SUSD2: variants seen among roughly 807,000 people sequenced by gnomAD.
SUSD2 encodes the protein sushi domain-containing protein 2.
Under a neutral mutation model 93.8 loss-of-function variants are expected in SUSD2, and 86 were observed. The observed-to-expected ratio is 0.92, with a 90% CI of 0.77 to 1.10. The LOEUF is 1.10. Ranked by LOEUF, SUSD2 falls within the 50% of genes least tolerant of loss-of-function variation. The pLI is 0.00. For missense variants in SUSD2, 1,060 were observed against 1,137.0 expected, an observed-to-expected ratio of 0.93 and a Z score of 0.97; for synonymous variants, 483 against 485.0, an observed-to-expected ratio of 1.00 and a Z score of 0.05.
intron 12 of SUSD2, 27 bp from the exon 13 acceptor site, chr22:24,187,932 G>A (rs373218552): frequency 2.5e-6 from 4 of 1,611,306 alleles, no homozygotes; most frequent in Non-Finnish European, 3.4e-6. Context: ...GCTCAGGCCT[G>A]TTGTCTGCAC....
In SUSD2 at chr22:24,185,490, A is replaced by G; in HGVS notation, c.989A>G (p.Asp330Gly). 3 of 1,562,794 alleles carry G rather than the reference A, an allele frequency of 1.9e-6. No homozygotes were observed. The highest frequency in any genetic ancestry group is 2.6e-6 in the Non-Finnish European group (3 of 1,153,364). ...ARADSGRFFT[D>G]YGCDMEQGSV... ...CAGCCACCTGCTGCTCTGCAGACGG[A>G]CTACGGCTGTGACATGGAGCAGGGC... Residue 330 changes from aspartate (D) to glycine (G), a missense_variant, in exon 7 of 15, where the codon GAC becomes GGC. By Grantham distance (94) the Asp-to-Gly change is moderately conservative (BLOSUM62 -1). Coordinates refer to ENST00000358321, the MANE Select transcript of SUSD2 (RefSeq NM_019601.4).
In SUSD2 at chr22:24,188,753, A is replaced by G. The variant is rs569775653; in HGVS notation, c.*317A>G. Reference sequence around the variant, plus strand: ...TCCCACACCTGAGCCTCAGATTCCAATAGCTCACTCCCTAGAGCCTGACGC... The same window carrying G: ...TCCCACACCTGAGCCTCAGATTCCAGTAGCTCACTCCCTAGAGCCTGACGC... On this transcript the variant is annotated 3_prime_UTR_variant, in exon 15 of 15. Transcript: ENST00000358321. The surrounding 1 kb of genome is among the most constrained non-coding windows in gnomAD (Gnocchi z 4.7). 6.2e-6 allele frequency: 2 copies of G among 322,516 alleles called. No homozygotes were observed. The highest frequency in any genetic ancestry group is 5.9e-5 in the East Asian group (1 of 16,808). The allele number at this position is 322,516 out of a possible 1,614,324, so 20.0% of individuals were successfully genotyped here.
At chr22:24,184,682 C>G in intron 4 of SUSD2, 84 bp from the exon 5 acceptor site, 1 of 1,178,176 alleles carries the variant, frequency 8.5e-7, no homozygotes, top group Non-Finnish European at 1.2e-6. Context: ...TCCATCCACC[C>G]ATCTGTCAGG....
Position 24,188,095 on chromosome 22 carries a change from T to C in SUSD2, c.2301T>C (p.Ala767=). 1.9e-6 allele frequency: 3 copies of C among 1,612,950 alleles called. No homozygotes were observed. The highest frequency in any genetic ancestry group is 2.5e-6 in the Non-Finnish European group (3 of 1,179,904). Residue 767 remains alanine (A), a synonymous_variant, in exon 13 of 15, where the codon GCT becomes GCC. Transcript: ENST00000358321. This position sits in a 1 kb window ranked among gnomAD's most constrained non-coding sequence, Gnocchi z 4.7. Reference sequence around the variant, plus strand: ...GGGCAGAGACCAGCACCTGCCAGGCTGACGGCACCTGGTCCTCACCCACCC... The same window carrying C: ...GGGCAGAGACCAGCACCTGCCAGGCCGACGGCACCTGGTCCTCACCCACCC... The part of the protein sequence containing the change: ...LAGAETSTCQ[A]DGTWSSPTPK...
At chr22:24,182,094 A>G (rs2047329232) in intron 1 of SUSD2, among the ~76,000 whole-genome samples, 1 of 152,046 alleles carries the variant, frequency 6.6e-6, no homozygotes, top group Non-Finnish European at 1.5e-5. Context: ...CTTGGCCAGT[A>G]CATATTTATT....
At position 24,188,374 on chromosome 22, in the gene SUSD2, G is replaced by C. The variant is rs1290142545; in HGVS notation, c.2445-38G>C. The C allele has an allele frequency of 6.2e-7, 1 of 1,610,930 alleles. No individual in the cohort carries two copies. The highest frequency in any genetic ancestry group is 8.5e-7 in the Non-Finnish European group (1 of 1,179,702). ...CCCAAGACCCCGAGACAGCCGGTGG[G>C]ACCACCGAGGCTACTTCTAACTGCG... On this transcript the variant is annotated intron_variant, in intron 14 of 14. Transcript: ENST00000358321. This position sits in a 1 kb window ranked among gnomAD's most constrained non-coding sequence, Gnocchi z 4.7.
chr22:24,185,897 A>G lies in SUSD2; in HGVS notation c.1307A>G (p.Asn436Ser), dbSNP rs116768581. ...CPRYMQRRPS[N>S]DCRNYRPPRL... ...CGCTACATGCAACGGCGGCCCTCCAATGACTGCCGCAACTACCGGCCCCCA... is the reference window on the plus strand; with the variant it reads ...CGCTACATGCAACGGCGGCCCTCCAGTGACTGCCGCAACTACCGGCCCCCA... The change falls in exon 8 of 15, where the codon AAT (asparagine) becomes AGT (serine). Residue 436 changes from asparagine (N) to serine (S), a missense_variant. Transcript: ENST00000358321. The G allele has an allele frequency of 1.0e-3, 1,600 of 1,578,936 alleles. 13 individuals are homozygous for G. In the African/African-American group the frequency reaches 0.019, roughly 19 times the overall value.
chr22:24,184,884 G>C lies in SUSD2; in HGVS notation c.726G>C (p.Gln242His), dbSNP rs777003039. The change falls in exon 5 of 15, where the codon CAG becomes CAC. Residue 242 changes from glutamine (Q) to histidine (H), a missense_variant. Around this residue, in one of 2 missense-constraint regions of SUSD2, gnomAD observed 973 missense variants for 1,005.3 expected, o/e 0.97. Transcript: ENST00000358321. ...FTPKPAPPSY[Q>H]RWRVGALRII... ...CAAAACCTGCTCCTCCCAGCTACCA[G>C]AGATGGCGAGTGGGTGCACTTCGGA... 5.6e-6 allele frequency: 9 copies of C among 1,614,080 alleles called. No individual in the cohort carries two copies. In the South Asian group the frequency reaches 9.9e-5, roughly 18 times the overall value.
In SUSD2 at chr22:24,184,811, A is replaced by G. The variant is rs758958434; in HGVS notation, c.653A>G (p.Tyr218Cys). The G allele has an allele frequency of 1.2e-6, 2 of 1,612,240 alleles. No homozygotes were observed. Among genetic ancestry groups the G allele is most frequent in the Non-Finnish European group, 1.7e-6 (2 of 1,179,182 alleles). Residue 218 changes from tyrosine to cysteine, a missense_variant, in exon 5 of 15, where the codon TAC becomes TGC. This residue lies in a region of SUSD2 where 973 missense variants were observed against 1,005.3 expected (regional missense o/e 0.97). Coordinates refer to ENST00000358321, the MANE Select transcript of SUSD2 (RefSeq NM_019601.4). ...TGGACTGCAAAGTGGTCGTACCTGT[A>G]CCCCCTGGCCACACACATCCCCAAC... The part of the protein sequence containing the change: ...QEWTAKWSYL[Y>C]PLATHIPNSG...
intron 4 of SUSD2, 87 bp from the exon 5 acceptor site, chr22:24,184,679 A>G: frequency 8.7e-7 from 1 of 1,155,558 alleles, no homozygotes; most frequent in South Asian, 1.5e-5. Flanking sequence ...CGGTCCATCC[A>G]CCCATCTGTC....
rs760612930 is a variant in SUSD2 at position 24,185,906 on chromosome 22, G to T, written c.1316G>T (p.Arg439Leu). ...CAACGGCGGCCCTCCAATGACTGCC[G>T]CAACTACCGGCCCCCAAGACTGGGT... ...YMQRRPSNDC[R>L]NYRPPRLASA... The change falls in exon 8 of 15, where the codon CGC becomes CTC. Residue 439 changes from arginine (R) to leucine (L), a missense_variant. This residue lies in a region of SUSD2 where 973 missense variants were observed against 1,005.3 expected (regional missense o/e 0.97). Transcript: ENST00000358321. The T allele has an allele frequency of 2.5e-6, 4 of 1,571,094 alleles. No individual in the cohort carries two copies. The highest frequency in any genetic ancestry group is 3.5e-6 in the Non-Finnish European group (4 of 1,155,108).
At position 24,188,480 on chromosome 22, in the gene SUSD2, A is replaced by C; in HGVS notation, c.*44A>C. On this transcript the variant is annotated 3_prime_UTR_variant, in exon 15 of 15. Transcript: ENST00000358321. The surrounding 1 kb of genome is among the most constrained non-coding windows in gnomAD (Gnocchi z 4.7). ...GAGCACCAGGCCAAGACTCCTGAGA[A>C]CAGGCAGCCCAGTCCTGCGACTCCC... is the stretch of plus-strand genomic sequence containing the variant. 6.3e-7 allele frequency: 1 copy of C among 1,595,740 alleles called. No individual in the cohort carries two copies. Among genetic ancestry groups the C allele is most frequent in the Non-Finnish European group, 8.5e-7 (1 of 1,170,546 alleles).
intron 1 of SUSD2, 155 bp from the exon 2 acceptor site, chr22:24,182,902 A>G: frequency 1.6e-6 from 1 of 622,822 alleles, no homozygotes; most frequent in Non-Finnish European, 2.8e-6. Context: ...GTGGCTTTCT[A>G]CTGTGTCCAC....
At chr22:24,185,950 C>T in intron 8 of SUSD2, 21 bp downstream of exon 8, 1 of 1,571,640 alleles carries the variant, frequency 6.4e-7, no homozygotes, top group East Asian at 2.3e-5. Flanking sequence ...TCCCGTGCCC[C>T]AGACCCTGGG....
Position 24,185,111 on chromosome 22 carries a change from G to A in SUSD2, c.800G>A (p.Trp267Ter). The A allele has an allele frequency of 1.1e-5, 18 of 1,612,972 alleles. No homozygotes were observed. The highest frequency in any genetic ancestry group is 1.5e-5 in the Non-Finnish European group (18 of 1,179,858). The change falls in exon 6 of 15, where the codon TGG becomes TAG. Residue 267 changes from tryptophan to a stop codon, truncating the protein, a stop_gained. Transcript: ENST00000358321. LOFTEE classifies it high-confidence loss of function. Reference sequence around the variant, plus strand: ...CTCCACAGGGACGTGCAGGCGCTCTGGACCAACGACCACGCACTGGCCTGG... The same window carrying A: ...CTCCACAGGGACGTGCAGGCGCTCTAGACCAACGACCACGCACTGGCCTGG... The part of the protein sequence containing the change: ...YAGQKDVQAL[W>*]TNDHALAWHL...
At chr22:24,186,777 C>T (rs2047369126) in intron 10 of SUSD2, 1 of 400,530 alleles carries the variant, frequency 2.5e-6, no homozygotes, top group African/African-American at 2.0e-5. Flanking sequence ...TTAAGGATGC[C>T]CCTGGCAAGT....
rs1397367374 is a variant in SUSD2, at chr22:24,186,055, G to A, written c.1379G>A (p.Gly460Asp). 1.2e-6 allele frequency: 2 copies of A among 1,612,234 alleles called. No homozygotes were observed. Among genetic ancestry groups the A allele is most frequent in the Non-Finnish European group, 1.7e-6 (2 of 1,179,318 alleles). Residue 460 changes from glycine (G) to aspartate (D), a missense_variant, in exon 9 of 15, where the codon GGC becomes GAC. Physicochemically the swap from Gly to Asp is moderately conservative, Grantham distance 94 (BLOSUM62 -1). Around this residue, in one of 2 missense-constraint regions of SUSD2, gnomAD observed 973 missense variants for 1,005.3 expected, o/e 0.97. Coordinates refer to ENST00000358321, the MANE Select transcript of SUSD2 (RefSeq NM_019601.4). The part of the protein sequence containing the change: ...FGDPHFVTFD[G>D]TNFTFNGRGE... Reference sequence around the variant, plus strand: ...GACCCACACTTTGTGACCTTCGACGGCACCAACTTCACATTCAATGGGCGC... The same window carrying A: ...GACCCACACTTTGTGACCTTCGACGACACCAACTTCACATTCAATGGGCGC...
Position 24,185,746 on chromosome 22 carries a change from C to T in SUSD2, c.1156C>T (p.Pro386Ser), listed in dbSNP as rs778152993. The change falls in exon 8 of 15, where the codon CCC becomes TCC. Residue 386 changes from proline (P) to serine (S), a missense_variant. By Grantham distance (74) the Pro-to-Ser change is moderately conservative. Around this residue, in one of 2 missense-constraint regions of SUSD2, gnomAD observed 973 missense variants for 1,005.3 expected, o/e 0.97. Transcript: ENST00000358321. ...LTADSSGGST[P>S]DRGHDWGAPP... ...AGCTGACTCCAGCGGCGGCAGCACT[C>T]CCGACCGCGGCCATGACTGGGGCGC... 12 of 1,608,762 alleles carry T rather than the reference C, an allele frequency of 7.5e-6. No individual in the cohort carries two copies. In the East Asian group the frequency reaches 1.6e-4, roughly 21 times the overall value.
At chr22:24,187,135 C>G in intron 10 of SUSD2, 67 bp from the exon 11 acceptor site, 1 of 1,565,554 alleles carries the variant, frequency 6.4e-7, no homozygotes, top group Admixed American at 1.7e-5. Flanking sequence ...ACCACCCTGT[C>G]CTGGGGCTGC....
Sources: gnomAD v4.1 joint callset for allele counts (sites outside exome capture counted in the v4.1 genomes callset) on GRCh38, gnomAD v4.1.1 for gene constraint, gnomAD v4.1.1 regional missense constraint, Gnocchi (gnomAD v3.1) non-coding constraint, MANE v1.5 for transcripts, NCBI Gene and HGNC (gene_info 2026-07-23, HGNC 2026-07-21) for gene names.